Variants in ECSIT observed in about 807,000 individuals in gnomAD.
ECSIT encodes ECSIT signaling integrator.
ECSIT carries 29 observed loss-of-function variants against 36.8 expected under a neutral mutation model. The observed-to-expected ratio is 0.79, with a 90% CI of 0.59 to 1.08. The LOEUF (loss-of-function observed/expected upper bound fraction) is 1.08, where lower values mean the gene tolerates loss of function less well. Among genes scored for constraint, ECSIT ranks in the 50% least tolerant of loss-of-function variants. The pLI is 0.00. For missense variants in ECSIT, 542 were observed against 581.0 expected, an observed-to-expected ratio of 0.93 and a Z score of 0.69; for synonymous variants, 231 against 234.8, an observed-to-expected ratio of 0.98 and a Z score of 0.15.
rs1170418348 is a variant in ECSIT, at chr19:11,519,171, GC to G, written c.-2del. The G allele has an allele frequency of 1.9e-6, 3 of 1,548,964 alleles. No homozygotes were observed. Among genetic ancestry groups the G allele is most frequent in the Non-Finnish European group, 2.6e-6 (3 of 1,146,612 alleles). On this transcript the variant is annotated 5_prime_UTR_variant, in exon 2 of 8. Transcript: ENST00000270517. This position sits in a 1 kb window ranked among gnomAD's most constrained non-coding sequence, Gnocchi z 4.4. ...GTAGGGTGGCCTGGACCCAGCTCATGCCTCTGCTTGTCAGACAATCACCTGG... is the reference window on the plus strand; with the variant it reads ...GTAGGGTGGCCTGGACCCAGCTCATGCTCTGCTTGTCAGACAATCACCTGG...
At chr19:11,507,921 G>A (rs772538246) in intron 5 of ECSIT, 70 bp downstream of exon 5, 1 of 1,614,012 alleles carries the variant, frequency 6.2e-7, no homozygotes, top group South Asian at 1.1e-5. Flanking sequence ...GCCCAGCCTA[G>A]GCCCAGCGAG....
chr19:11,522,642 A>C (rs1025297469), intron 1 of ECSIT: 2 of 529,238 alleles, frequency 3.8e-6, no homozygotes, highest in African/African-American at 3.9e-5. Flanking sequence ...TGCACCTGGG[A>C]GGCAATGTTA....
At position 11,522,313 on chromosome 19, in the gene ECSIT, C is replaced by T. The variant is rs114321261; in HGVS notation, c.-23-3120G>A. ...CCAGTGCTACCGAGACATGGGCGCC[C>T]GGTACCCCACCTGGACCCATTCCAT... On this transcript the variant is annotated intron_variant, in intron 1 of 7. Transcript: ENST00000270517. The T allele has an allele frequency of 5.6e-4, 376 of 672,606 alleles. 1 individual carries two copies. In the African/African-American group the frequency reaches 5.9e-3, roughly 11 times the overall value. 41.7% of individuals were successfully genotyped at this position (672,606 alleles called of 1,614,324 possible).
chr19:11,523,702 GCGCT>G, intron 1 of ECSIT: 1 of 706,218 alleles, frequency 1.4e-6, no homozygotes, highest in Non-Finnish European at 2.6e-6. Context: ...GGAATGGGTA[GCGCT>G]CTGTAAAATT....
chr19:11,526,921 T>C (rs977484377), intron 1 of ECSIT, among the ~76,000 whole-genome samples: 2 of 151,882 alleles, frequency 1.3e-5, no homozygotes, highest in Non-Finnish European at 2.9e-5. Context: ...GGTTTCATCA[T>C]GTTGCTCAGG....
intron 1 of ECSIT, chr19:11,522,071 C>A: frequency 2.9e-6 from 1 of 342,138 alleles, no homozygotes; most frequent in African/African-American, 2.2e-5. Flanking sequence ...ATCTTTGCAC[C>A]TGATCATGTC....
Position 11,513,158 on chromosome 19 carries a change from G to A in ECSIT, c.636C>T (p.Pro212=), listed in dbSNP as rs1971907187. Reference sequence around the variant, plus strand: ...GGGGCAGGTCCCGGGGCACTGGGAAGGGGTTGACGTTCATGAATCGAGGGA... The same window carrying A: ...GGGGCAGGTCCCGGGGCACTGGGAAAGGGTTGACGTTCATGAATCGAGGGA... ...LWFPRFMNVN[P]FPVPRDLPQD... is the part of the protein sequence containing the mutation. Residue 212 remains proline, a synonymous_variant, in exon 4 of 8, where the codon CCC becomes CCT. Transcript: ENST00000270517. The A allele has an allele frequency of 6.2e-7, 1 of 1,614,192 alleles. No homozygotes were observed. The highest frequency in any genetic ancestry group is 1.3e-5 in the African/African-American group (1 of 75,048).
At chr19:11,512,039 A>AC (rs1271332288) in intron 4 of ECSIT, among the ~76,000 whole-genome samples, 2 of 151,458 alleles carry the variant, frequency 1.3e-5, no homozygotes, top group African/African-American at 4.9e-5. Flanking sequence ...TCAAAAAAAA[A>AC]ACAAACAAAC....
intron 1 of ECSIT, chr19:11,522,310 G>C (rs534876904): frequency 3.0e-6 from 2 of 664,742 alleles, no homozygotes; most frequent in Non-Finnish European, 2.7e-6. Flanking sequence ...AGACATGGGC[G>C]CCCGGTACCC....
intron 4 of ECSIT, among the ~76,000 whole-genome samples, chr19:11,510,297 T>A (rs978797544): frequency 2.0e-5 from 3 of 152,084 alleles, no homozygotes; most frequent in African/African-American, 4.8e-5. Context: ...TGCCTCAGCC[T>A]CCTGAGTAGC....
At position 11,511,103 on chromosome 19, in the gene ECSIT, C is replaced by T. The variant is rs561763670; in HGVS notation, c.738+1953G>A. Among the ~76,000 whole-genome samples, 10 of 152,248 alleles carry T rather than the reference C, an allele frequency of 6.6e-5. No homozygotes were observed. The East Asian group carries it at 1.5e-3, about 24-fold the overall frequency. Reference sequence around the variant, plus strand: ...CCCCAGGAAGCCCCACCTGCCCACTCGGCTCCCACAGCACCCCGGGCTTCT... The same window carrying T: ...CCCCAGGAAGCCCCACCTGCCCACTTGGCTCCCACAGCACCCCGGGCTTCT... On this transcript the variant is annotated intron_variant, in intron 4 of 7. Transcript: ENST00000270517.
chr19:11,524,943 C>T (rs1972183495), intron 1 of ECSIT, among the ~76,000 whole-genome samples: 1 of 151,612 alleles, frequency 6.6e-6, no homozygotes, highest in African/African-American at 2.4e-5. Context: ...TCAAGACCAG[C>T]TTGGCCAAGA....
intron 2 of ECSIT, 86 bp from the exon 3 acceptor site, chr19:11,514,307 CCAGTGGCCTCCCTGAGGACTCGGAGGTAT>C: frequency 7.7e-7 from 1 of 1,305,246 alleles, no homozygotes. Context: ...CAGAGAGGTC[CCAGTGGCCTCCCTGAGGACTCGGAGGTAT>C]GGAACTGTGG....
chr19:11,506,805 G>A (rs893816617), intron 7 of ECSIT, among the ~76,000 whole-genome samples: 1 of 152,160 alleles, frequency 6.6e-6, no homozygotes, highest in African/African-American at 2.4e-5. Flanking sequence ...AGAGTGCTGG[G>A]ATTACAGGCG....
chr19:11,506,642 C>A (rs1599573904), intron 7 of ECSIT, among the ~76,000 whole-genome samples: 1 of 143,802 alleles, frequency 7.0e-6, no homozygotes. Context: ...TCAAGTGATT[C>A]TCCTGCCTCG....
chr19:11,519,172 C>A lies in ECSIT; in HGVS notation c.-2G>T. 1.9e-6 allele frequency: 3 copies of A among 1,549,118 alleles called. No individual in the cohort carries two copies. Among genetic ancestry groups the A allele is most frequent in the Non-Finnish European group, 2.6e-6 (3 of 1,146,636 alleles). On this transcript the variant is annotated 5_prime_UTR_variant, in exon 2 of 8. Transcript: ENST00000270517. This position sits in a 1 kb window ranked among gnomAD's most constrained non-coding sequence, Gnocchi z 4.4. Reference sequence around the variant, plus strand: ...TAGGGTGGCCTGGACCCAGCTCATGCCTCTGCTTGTCAGACAATCACCTGG... The same window carrying A: ...TAGGGTGGCCTGGACCCAGCTCATGACTCTGCTTGTCAGACAATCACCTGG...
Position 11,519,136 on chromosome 19 carries a change from C to T in ECSIT, c.35G>A (p.Gly12Asp). 1 of 1,550,702 alleles carries T rather than the reference C, an allele frequency of 6.4e-7. No homozygotes were observed. The highest frequency in any genetic ancestry group is 1.4e-5 in the African/African-American group (1 of 73,116). Residue 12 changes from glycine to aspartate, a missense_variant, in exon 2 of 8, where the codon GGC becomes GAC. Coordinates refer to ENST00000270517, the MANE Select transcript of ECSIT (RefSeq NM_016581.5). The surrounding 1 kb of genome is among the most constrained non-coding windows in gnomAD (Gnocchi z 4.4). ...GGTGCCTCCCCAGGCCCTACAGAGG[C>T]CTCGGGCCAGTAGGGTGGCCTGGAC... is the stretch of plus-strand genomic sequence containing the variant. ...SWVQATLLARGLCRAWGGTCG... is the reference protein window; with the variant it reads ...SWVQATLLARDLCRAWGGTCG...
intron 4 of ECSIT, among the ~76,000 whole-genome samples, chr19:11,509,716 C>T (rs891797415): frequency 1.3e-5 from 2 of 151,240 alleles, no homozygotes; most frequent in African/African-American, 2.4e-5. Context: ...TGTAGTGAGC[C>T]GAGATTGTGC....
chr19:11,506,529 C>CA, intron 7 of ECSIT, 101 bp from the exon 8 acceptor site: 9 of 677,016 alleles, frequency 1.3e-5, no homozygotes, highest in Non-Finnish European at 1.5e-5. Context: ...CTTCCACTTC[C>CA]TTTTTTTTTT....
Sources: gnomAD v4.1 joint callset for allele counts (sites outside exome capture counted in the v4.1 genomes callset) on GRCh38, gnomAD v4.1.1 for gene constraint, Gnocchi (gnomAD v3.1) non-coding constraint, MANE v1.5 for transcripts, NCBI Gene and HGNC (gene_info 2026-07-23, HGNC 2026-07-21) for gene names.